The following ITFG1 variants were observed in gnomAD, a reference collection of about 807,000 sequenced individuals.
ITFG1 encodes the protein integrin alpha FG-GAP repeat containing 1, also known as T-cell immunomodulatory protein.
A neutral mutation model predicts 81.8 loss-of-function variants in ITFG1; 34 were observed. The observed-to-expected ratio is 0.42, with a 90% confidence interval of 0.32 to 0.55. The LOEUF is 0.55. Among genes scored for constraint, ITFG1 ranks in the 20% least tolerant of loss-of-function variants. The pLI is 0.17. For synonymous variants in ITFG1, 285 were observed against 270.6 expected (o/e 1.05, Z -0.52); for missense variants, 672 against 755.4 (o/e 0.89, Z 1.29).
chr16:47,449,792 A>G (rs1969366733), intron 5 of ITFG1: 2 of 152,214 alleles, frequency 1.3e-5, no homozygotes, highest in South Asian at 4.1e-4. Flanking sequence ...AGAATTAAGA[A>G]CAAATAAAGA....
intron 10 of ITFG1, among the ~76,000 whole-genome samples, chr16:47,305,484 C>T (rs1026129756): frequency 1.3e-5 from 2 of 152,128 alleles, no homozygotes; most frequent in East Asian, 3.9e-4. Flanking sequence ...CTAATATGAG[C>T]TTTAGAAACA....
intron 6 of ITFG1, among the ~76,000 whole-genome samples, chr16:47,421,270 GCA>G (rs58232411): frequency 0.041 from 5,335 of 129,552 alleles, 112 homozygotes; most frequent in South Asian, 0.085. Flanking sequence ...ACATACATAT[GCA>G]CACACACACA....
intron 5 of ITFG1, among the ~76,000 whole-genome samples, chr16:47,440,934 C>T (rs376936890): frequency 9.2e-5 from 14 of 152,020 alleles, no homozygotes; most frequent in Non-Finnish European, 2.1e-4. Context: ...ACTGATAGAC[C>T]GCTAGCAAGA....
chr16:47,345,147 C>T lies in ITFG1; in HGVS notation c.802+20641G>A, dbSNP rs190398002. ...TAAGGCAGGACAAAAAAGGAACTGG[C>T]AAGTCATCTAACTCAGAGGTGTCCA... On this transcript the variant is annotated intron_variant, in intron 8 of 17. Transcript: ENST00000320640. 4.6e-4 allele frequency among the ~76,000 whole-genome samples: 70 copies of T among 152,196 alleles called. No homozygotes were observed. In the Middle Eastern group the frequency reaches 0.01, roughly 22 times the overall value.
intron 6 of ITFG1, among the ~76,000 whole-genome samples, chr16:47,422,776 T>A (rs1002401370): frequency 6.6e-6 from 1 of 152,186 alleles, no homozygotes; most frequent in African/African-American, 2.4e-5. Context: ...AGTTTTTTTT[T>A]CCCATAGATG....
chr16:47,180,840 G>A (rs1567415589), intron 14 of ITFG1, among the ~76,000 whole-genome samples: 3 of 151,490 alleles, frequency 2.0e-5, no homozygotes, highest in South Asian at 2.1e-4. Context: ...CTGCCTGGCC[G>A]CCCATCGTCT....
intron 10 of ITFG1, chr16:47,263,050 G>C (rs1043220503): frequency 4.5e-6 from 1 of 220,278 alleles, no homozygotes; most frequent in African/African-American, 2.3e-5. Flanking sequence ...GAGAATGGCT[G>C]TTGGCTCGGC....
intron 14 of ITFG1, among the ~76,000 whole-genome samples, chr16:47,204,530 G>A: frequency 6.6e-6 from 1 of 152,120 alleles, no homozygotes; most frequent in East Asian, 1.9e-4. Flanking sequence ...TAAAACATTT[G>A]TTTTTATTTC....
At chr16:47,289,211 A>G (rs951894513) in intron 10 of ITFG1, among the ~76,000 whole-genome samples, 1 of 152,190 alleles carries the variant, frequency 6.6e-6, no homozygotes, top group Non-Finnish European at 1.5e-5. Context: ...CACTTTGAAC[A>G]TGGTAAATGC....
intron 7 of ITFG1, among the ~76,000 whole-genome samples, chr16:47,375,658 C>T (rs576833549): frequency 2.0e-5 from 3 of 152,218 alleles, no homozygotes; most frequent in Non-Finnish European, 2.9e-5. Flanking sequence ...GTTTAATTGG[C>T]AGTCATGCCT....
chr16:47,333,878 C>A (rs1967668288), intron 8 of ITFG1, among the ~76,000 whole-genome samples: 1 of 152,166 alleles, frequency 6.6e-6, no homozygotes, highest in Admixed American at 6.5e-5. Context: ...ATAATGGTTT[C>A]AACTGAGATT....
intron 13 of ITFG1, among the ~76,000 whole-genome samples, chr16:47,220,818 C>T (rs1015017812): frequency 6.6e-6 from 1 of 151,948 alleles, no homozygotes; most frequent in African/African-American, 2.4e-5. Flanking sequence ...ATGGTAAGGA[C>T]CTCAAAAAAA....
intron 6 of ITFG1, among the ~76,000 whole-genome samples, chr16:47,403,354 G>A (rs1279196122): frequency 6.6e-6 from 1 of 151,126 alleles, no homozygotes; most frequent in Non-Finnish European, 1.5e-5. Flanking sequence ...GGCCCATATG[G>A]GCCAATTCTA....
chr16:47,223,071 T>A (rs1050695676), intron 13 of ITFG1, among the ~76,000 whole-genome samples: 2 of 151,362 alleles, frequency 1.3e-5, no homozygotes, highest in African/African-American at 2.4e-5. Context: ...TTACACCTTA[T>A]ACAAAAATCA....
chr16:47,440,684 G>A (rs913921739), intron 5 of ITFG1, among the ~76,000 whole-genome samples: 3 of 152,000 alleles, frequency 2.0e-5, no homozygotes, highest in African/African-American at 7.3e-5. Context: ...CACATTCAAA[G>A]CCGTGTGTAG....
chr16:47,268,429 T>C lies in ITFG1; in HGVS notation c.1071-7734A>G, dbSNP rs542039194. 2.6e-4 allele frequency among the ~76,000 whole-genome samples: 39 copies of C among 152,174 alleles called. 1 individual carries two copies. Among genetic ancestry groups the C allele is most frequent in the Admixed American group, 1.6e-3 (25 of 15,288 alleles). On this transcript the variant is annotated intron_variant, in intron 10 of 17. Transcript: ENST00000320640. ...CTTCACTGATGAATTCTACCAAATA[T>C]TGAGAGAAGAAATAATACACGTACT...
intron 8 of ITFG1, among the ~76,000 whole-genome samples, chr16:47,354,538 CA>C (rs1407731913): frequency 1.3e-5 from 2 of 151,908 alleles, no homozygotes; most frequent in African/African-American, 4.8e-5. Context: ...GCAACAAAAG[CA>C]AAAGTAGGCA....
At chr16:47,359,458 C>T (rs1404771579) in intron 8 of ITFG1, among the ~76,000 whole-genome samples, 1 of 152,200 alleles carries the variant, frequency 6.6e-6, no homozygotes, top group Non-Finnish European at 1.5e-5. Flanking sequence ...CTCTTCCCCT[C>T]AACATCTAAT....
intron 13 of ITFG1, among the ~76,000 whole-genome samples, chr16:47,221,074 C>T (rs1965684612): frequency 2.0e-5 from 3 of 152,094 alleles, no homozygotes; most frequent in African/African-American, 4.8e-5. Context: ...CTACCAGGTA[C>T]TGGAGGGGGC....
Sources: allele counts gnomAD v4.1 joint callset (sites outside exome capture counted in the v4.1 genomes callset), GRCh38; gene constraint gnomAD v4.1.1; transcripts MANE v1.5; gene names NCBI Gene and HGNC (gene_info 2026-07-23, HGNC 2026-07-21).